Variants in BMX observed in about 807,000 individuals in gnomAD.
The protein encoded by BMX is cytoplasmic tyrosine-protein kinase BMX.
In BMX, 31 loss-of-function variants were observed where a neutral mutation model predicts 59.2. That is an observed-to-expected ratio of 0.52 (90% CI 0.39 to 0.71). BMX has a LOEUF of 0.71. Ranked by LOEUF, BMX falls within the 30% of genes least tolerant of loss-of-function variation. The pLI, the probability that BMX is intolerant of heterozygous loss-of-function variation, is 0.00. For missense variants in BMX, 474 were observed against 491.7 expected (o/e 0.96, Z 0.34); for synonymous variants, 185 against 181.0 (o/e 1.02, Z -0.18).
chrX:15,512,353 T>TTTTATTTTAC (rs199988133), intron 4 of BMX, among the ~76,000 whole-genome samples: 6,029 of 110,931 alleles, frequency 0.054, 420 homozygotes, highest in African/African-American at 0.18. Flanking sequence ...TGGAGGAAGA[T>TTTTATTTTAC]TTTATTTTAT....
At chrX:15,535,993 A>T (rs1208524939) in intron 12 of BMX, among the ~76,000 whole-genome samples, 1 of 111,774 alleles carries the variant, frequency 8.9e-6, no homozygotes, top group East Asian at 2.8e-4. Flanking sequence ...ACCCTTCTGT[A>T]TTGTTTGAAT....
In BMX at chrX:15,543,078, G is replaced by A. The variant is rs374705811; in HGVS notation, c.1619G>A (p.Arg540His). The A allele has an allele frequency of 4.1e-6, 5 of 1,206,439 alleles. No individual in the cohort carries two copies. Among genetic ancestry groups the A allele is most frequent in the Non-Finnish European group, 5.6e-6 (5 of 893,352 alleles). Residue 540 changes from arginine to histidine, a missense_variant, in exon 16 of 19, where the codon CGT (arginine) becomes CAT (histidine). Physicochemically the swap from Arg to His is conservative, Grantham distance 29 (BLOSUM62 0). Transcript: ENST00000348343. ...HQFIHRDLAA[R>H]NCLVDRDLCV... ...TTTGTTTTTCCTTTAAAGGCTGCTC[G>A]TAACTGCTTGGTGGACAGAGATCTC...
intron 2 of BMX, among the ~76,000 whole-genome samples, chrX:15,509,125 C>T (rs2147103641): frequency 9.0e-6 from 1 of 111,078 alleles, no homozygotes; most frequent in South Asian, 3.9e-4. Context: ...TTATTAACCA[C>T]TGGAATATAT....
intron 1 of BMX, among the ~76,000 whole-genome samples, chrX:15,506,893 T>G (rs759129923): frequency 8.9e-6 from 1 of 112,863 alleles, no homozygotes; most frequent in Non-Finnish European, 1.9e-5. Context: ...CTTTATTATA[T>G]TGAATGGATA....
At chrX:15,530,709 A>T (rs1435810678) in intron 10 of BMX, among the ~76,000 whole-genome samples, 1 of 112,139 alleles carries the variant, frequency 8.9e-6, no homozygotes, top group Non-Finnish European at 1.9e-5. Flanking sequence ...AGCAGATGTG[A>T]TACAGAACAT....
Position 15,508,399 on chromosome X carries a change from C to G in BMX, c.46C>G (p.Gln16Glu), listed in dbSNP as rs770720731. 8.5e-6 allele frequency: 10 copies of G among 1,174,920 alleles called. No individual in the cohort carries two copies. Among genetic ancestry groups the G allele is most frequent in the Non-Finnish European group, 1.2e-5 (10 of 869,103 alleles). ...AGAAGAACTTCTTCTCAAAAGATCA[C>G]AGCAAAAGAAGAAAATGTCACCAAA... is the stretch of plus-strand genomic sequence containing the variant. ...ILEELLLKRS[Q>E]QKKKMSPNNY... The change falls in exon 2 of 19, where the codon CAG (glutamine) becomes GAG (glutamate). Residue 16 changes from glutamine (Q) to glutamate (E), a missense_variant. Coordinates refer to ENST00000348343, the MANE Select transcript of BMX (RefSeq NM_203281.3).
intron 2 of BMX, among the ~76,000 whole-genome samples, chrX:15,508,882 G>A (rs1923841792): frequency 9.0e-6 from 1 of 111,604 alleles, no homozygotes; most frequent in African/African-American, 3.3e-5. Context: ...GCACAGGACA[G>A]TCCTCACAAC....
intron 18 of BMX, among the ~76,000 whole-genome samples, chrX:15,553,868 G>A (rs767360199): frequency 3.6e-5 from 4 of 111,771 alleles, no homozygotes; most frequent in Non-Finnish European, 7.5e-5. Context: ...GCCCTGAGTC[G>A]GGAGGAACTG....
Position 15,556,380 on chromosome X carries a change from C to T in BMX, c.*233C>T, listed in dbSNP as rs983339545. The T allele has an allele frequency of 3.4e-6, 1 of 294,114 alleles. No individual in the cohort carries two copies. The highest frequency in any genetic ancestry group is 5.9e-5 in the Admixed American group (1 of 16,846). The allele number at this position is 294,114 out of a possible 1,213,427, so 24.2% of individuals were successfully genotyped here. ...TGATATAACACTTTCCAGCCTATAGCAGAAGCACATTTTCAGACTGCAATA... is the reference window on the plus strand; with the variant it reads ...TGATATAACACTTTCCAGCCTATAGTAGAAGCACATTTTCAGACTGCAATA... On this transcript the variant is annotated 3_prime_UTR_variant, in exon 19 of 19. Transcript: ENST00000348343.
chrX:15,512,254 A>T (rs188575388), intron 4 of BMX, among the ~76,000 whole-genome samples: 263 of 112,197 alleles, frequency 2.3e-3, no homozygotes, highest in African/African-American at 7.9e-3. Context: ...TCCCTCTGTG[A>T]TATTTTCAAG....
intron 12 of BMX, among the ~76,000 whole-genome samples, chrX:15,534,609 T>C (rs1267089511): frequency 9.0e-6 from 1 of 111,400 alleles, no homozygotes; most frequent in African/African-American, 3.3e-5. Context: ...AGGGTTTTTC[T>C]GTGTATAGAA....
chrX:15,550,708 AC>A (rs1926157229), intron 18 of BMX, among the ~76,000 whole-genome samples: 2 of 106,051 alleles, frequency 1.9e-5, no homozygotes, highest in East Asian at 2.9e-4. Context: ...ACACACACAC[AC>A]ACAAATAGGA....
intron 6 of BMX, among the ~76,000 whole-genome samples, chrX:15,521,503 T>C (rs1202741139): frequency 8.9e-6 from 1 of 112,176 alleles, no homozygotes; most frequent in Non-Finnish European, 1.9e-5. Context: ...TATTCTCTTA[T>C]AGTTTGGAAG....
chrX:15,515,479 T>C (rs1387954029), intron 4 of BMX, among the ~76,000 whole-genome samples: 2 of 111,024 alleles, frequency 1.8e-5, no homozygotes, highest in South Asian at 3.8e-4. Flanking sequence ...GGTCATACCA[T>C]CTACTACTTC....
intron 4 of BMX, among the ~76,000 whole-genome samples, chrX:15,511,921 A>G (rs749790304): frequency 1.9e-4 from 21 of 112,236 alleles, no homozygotes; most frequent in Admixed American, 9.4e-5. Flanking sequence ...TATACTGAGC[A>G]TTTACCATTT....
intron 11 of BMX, among the ~76,000 whole-genome samples, chrX:15,532,702 A>G (rs1176940585): frequency 8.9e-6 from 1 of 112,489 alleles, no homozygotes; most frequent in Non-Finnish European, 1.9e-5. Context: ...ACGTTATTTT[A>G]TTTTGAAATT....
intron 5 of BMX, 79 bp downstream of exon 5, chrX:15,516,310 A>T (rs1429760472): frequency 8.9e-7 from 1 of 1,127,449 alleles, no homozygotes; most frequent in Non-Finnish European, 1.2e-6. Flanking sequence ...AGGCCAGAAG[A>T]GCTTGCCAGA....
intron 18 of BMX, 128 bp downstream of exon 18, chrX:15,550,125 G>C (rs960337202): frequency 6.3e-6 from 5 of 795,660 alleles, no homozygotes; most frequent in East Asian, 6.9e-5. Flanking sequence ...ATGGTCCTCA[G>C]CCCCTGCCCT....
chrX:15,535,036 T>G (rs1044079987), intron 12 of BMX, among the ~76,000 whole-genome samples: 3 of 111,864 alleles, frequency 2.7e-5, no homozygotes, highest in Admixed American at 9.5e-5. Context: ...TCCATCTATA[T>G]GAGGGGTTCT....
Sources: gnomAD v4.1 joint callset for allele counts (sites outside exome capture counted in the v4.1 genomes callset) on GRCh38, gnomAD v4.1.1 for gene constraint, MANE v1.5 for transcripts, NCBI Gene and HGNC (gene_info 2026-07-23, HGNC 2026-07-21) for gene names.